CORIN: variants seen among roughly 807,000 people sequenced by gnomAD.
The protein encoded by CORIN is corin, serine peptidase.
A neutral mutation model predicts 125.3 loss-of-function variants in CORIN; 117 were observed. That is an observed-to-expected ratio of 0.93 (90% CI 0.80 to 1.09). CORIN has a LOEUF of 1.09. Ranked by LOEUF, CORIN falls within the 50% of genes least tolerant of loss-of-function variation. CORIN has a pLI of 0.00. For synonymous variants in CORIN, 450 were observed against 466.4 expected (o/e 0.96, Z 0.45); for missense variants, 1,253 against 1,306.7 (o/e 0.96, Z 0.63).
At chr4:47,611,785 G>A (rs187813568) in intron 19 of CORIN, among the ~76,000 whole-genome samples, 1 of 152,254 alleles carries the variant, frequency 6.6e-6, no homozygotes, top group East Asian at 1.9e-4. Context: ...CTAGTTTATT[G>A]AGAGTTTTTT....
chr4:47,602,764 T>C (rs1303796876), intron 20 of CORIN, among the ~76,000 whole-genome samples: 2 of 152,188 alleles, frequency 1.3e-5, no homozygotes, highest in African/African-American at 4.8e-5. Context: ...TCATTATTAA[T>C]GTCTATGATT....
At position 47,623,696 on chromosome 4, in the gene CORIN, ACC is replaced by A; in HGVS notation, c.2413_2414del (p.Gly805SerfsTer17). On this transcript the variant is annotated frameshift_variant, in exon 19 of 22. Transcript: ENST00000273857. LOFTEE classifies it high-confidence loss of function. ...AARMNKRILG[G>X]RTSRPGRWPW... is the part of the protein sequence containing the mutation. Reference sequence around the variant, plus strand: ...GCCACCTTCCAGGGCGACTCGTCCGACCTCCAAGGATCCTTTTGTTCATTCGG... The same window carrying A: ...GCCACCTTCCAGGGCGACTCGTCCGATCCAAGGATCCTTTTGTTCATTCGG... 1.2e-6 allele frequency: 2 copies of A among 1,614,114 alleles called. No individual in the cohort carries two copies. The highest frequency in any genetic ancestry group is 1.7e-6 in the Non-Finnish European group (2 of 1,180,022).
intron 5 of CORIN, among the ~76,000 whole-genome samples, chr4:47,698,048 T>C (rs556967604): frequency 1.3e-5 from 2 of 151,470 alleles, no homozygotes; most frequent in Admixed American, 6.6e-5. Flanking sequence ...TCTATAATAA[T>C]TAATTATTAT....
intron 1 of CORIN, among the ~76,000 whole-genome samples, chr4:47,816,086 G>C (rs17654526): frequency 0.16 from 24,836 of 152,132 alleles, 2,260 homozygotes; most frequent in East Asian, 0.33. Flanking sequence ...GGAAAGCATA[G>C]AAGACAAAGT....
chr4:47,624,798 A>C (rs748308142), intron 17 of CORIN, among the ~76,000 whole-genome samples: 8 of 152,142 alleles, frequency 5.3e-5, no homozygotes, highest in Non-Finnish European at 1.0e-4. Context: ...ACCTCAATGT[A>C]AATGAAAAAG....
chr4:47,674,412 G>T lies in CORIN; in HGVS notation c.1338C>A (p.Asn446Lys), dbSNP rs756118546. 25 of 1,612,546 alleles carry T rather than the reference G, an allele frequency of 1.6e-5. No homozygotes were observed. Among genetic ancestry groups the T allele is most frequent in the Non-Finnish European group, 2.0e-5 (23 of 1,178,700 alleles). ...SCGGSSLCDP[N>K]NSLNNCSQCE... ...ACTTACTACAGTTATTCAGACTGTT[G>T]TTCGGGTCACAGAGAGAGCTACCAC... The change falls in exon 10 of 22, where the codon AAC becomes AAA. Residue 446 changes from asparagine to lysine, a missense_variant. Physicochemically the swap from Asn to Lys is moderately conservative, Grantham distance 94. Coordinates refer to ENST00000273857, the MANE Select transcript of CORIN (RefSeq NM_006587.4).
At chr4:47,632,774 TAGTTAGATAGA>T (rs1345367717) in intron 16 of CORIN, among the ~76,000 whole-genome samples, 91 of 124,480 alleles carry the variant, frequency 7.3e-4, no homozygotes, top group Admixed American at 3.1e-3. Context: ...TAGAGATAGA[TAGTTAGATAGA>T]TTTTTTTTTT....
intron 19 of CORIN, among the ~76,000 whole-genome samples, chr4:47,612,657 C>G (rs546642023): frequency 6.6e-6 from 1 of 152,306 alleles, no homozygotes; most frequent in East Asian, 1.9e-4. Flanking sequence ...TGGTAACAGA[C>G]TAACTTGCTG....
At chr4:47,597,935 T>C (rs533409857) in intron 21 of CORIN, among the ~76,000 whole-genome samples, 43 of 151,774 alleles carry the variant, frequency 2.8e-4, no homozygotes, top group African/African-American at 1.0e-3. Flanking sequence ...AAAGAGGAGG[T>C]CAAAGGAATG....
intron 5 of CORIN, among the ~76,000 whole-genome samples, chr4:47,715,451 C>CA (rs1230995594): frequency 2.7e-5 from 4 of 150,228 alleles, no homozygotes; most frequent in Non-Finnish European, 5.9e-5. Context: ...TACTAAAATA[C>CA]AAAAAATTAG....
chr4:47,645,692 C>A (rs1402202345), intron 13 of CORIN, among the ~76,000 whole-genome samples: 10 of 151,862 alleles, frequency 6.6e-5, no homozygotes, highest in Non-Finnish European at 1.2e-4. Flanking sequence ...GAGTTGGAGA[C>A]CAGCCTGGCC....
intron 1 of CORIN, among the ~76,000 whole-genome samples, chr4:47,811,827 TC>T (rs1172471813): frequency 6.6e-6 from 1 of 152,202 alleles, no homozygotes; most frequent in African/African-American, 2.4e-5. Context: ...TTGTTTATAT[TC>T]TGTCTATACT....
At position 47,630,005 on chromosome 4, in the gene CORIN, C is replaced by A. The variant is rs921207442; in HGVS notation, c.2199-3484G>T. Reference sequence around the variant, plus strand: ...CTTAAAGTGTGAACCCTACACAGTTCTCCCCCATTGACAGCACACCATGTT... The same window carrying A: ...CTTAAAGTGTGAACCCTACACAGTTATCCCCCATTGACAGCACACCATGTT... On this transcript the variant is annotated intron_variant, in intron 16 of 21. Coordinates refer to ENST00000273857, the MANE Select transcript of CORIN (RefSeq NM_006587.4). 5.3e-5 allele frequency among the ~76,000 whole-genome samples: 8 copies of A among 152,132 alleles called. No individual in the cohort carries two copies. The South Asian group carries it at 1.4e-3, about 28-fold the overall frequency.
rs1263942637 is a variant in CORIN, at chr4:47,689,027, G to A, written c.913+3943C>T. ...TGCCTCCATTCTAAAATAGCTTCAC[G>A]TGGTGCTGCTTTTAAAATTGTTGTG... On this transcript the variant is annotated intron_variant, in intron 6 of 21. Transcript: ENST00000273857. Among the ~76,000 whole-genome samples, 9 of 152,030 alleles carry A rather than the reference G, an allele frequency of 5.9e-5. No homozygotes were observed. In the East Asian group the frequency reaches 1.4e-3, roughly 23 times the overall value.
intron 2 of CORIN, among the ~76,000 whole-genome samples, chr4:47,790,924 T>C (rs1365303421): frequency 6.6e-6 from 1 of 152,116 alleles, no homozygotes; most frequent in African/African-American, 2.4e-5. Flanking sequence ...AAAAATGTAA[T>C]GATATTTAAG....
intron 8 of CORIN, 117 bp from the exon 9 acceptor site, chr4:47,678,171 C>A (rs756598144): frequency 9.8e-6 from 7 of 717,372 alleles, no homozygotes; most frequent in Admixed American, 2.0e-5. Flanking sequence ...GTTCTGCACA[C>A]ACAAATGAAC....
At chr4:47,714,327 GA>G (rs1398829183) in intron 5 of CORIN, among the ~76,000 whole-genome samples, 4 of 151,806 alleles carry the variant, frequency 2.6e-5, no homozygotes, top group South Asian at 4.2e-4. Flanking sequence ...TAATCTGTAA[GA>G]AAAAAAATCT....
rs762359387 is a variant in CORIN at position 47,643,275 on chromosome 4, A to T, written c.1958-19T>A. The T allele has an allele frequency of 6.3e-7, 1 of 1,580,220 alleles. No homozygotes were observed. The highest frequency in any genetic ancestry group is 8.6e-7 in the Non-Finnish European group (1 of 1,162,702). On this transcript the variant is annotated intron_variant, in intron 14 of 21. Coordinates refer to ENST00000273857, the MANE Select transcript of CORIN (RefSeq NM_006587.4). ...CAAAATGCTGGCATGGGGAACAAAA[A>T]GTGAGAAGGAAAACATTTTAGAAAT...
At chr4:47,722,309 C>A (rs1267621369) in intron 5 of CORIN, among the ~76,000 whole-genome samples, 1 of 152,200 alleles carries the variant, frequency 6.6e-6, no homozygotes, top group East Asian at 1.9e-4. Context: ...TTAAAGGAAT[C>A]AATTTCCACA....
Sources: allele counts gnomAD v4.1 joint callset (sites outside exome capture counted in the v4.1 genomes callset), GRCh38; gene constraint gnomAD v4.1.1; transcripts MANE v1.5; gene names NCBI Gene and HGNC (gene_info 2026-07-23, HGNC 2026-07-21).